The following PCDHA4 variants were observed in gnomAD, a reference collection of about 807,000 sequenced individuals.
PCDHA4 encodes protocadherin alpha 4.
In PCDHA4, 49 loss-of-function variants were observed where a neutral mutation model predicts 61.4. That is an observed-to-expected ratio of 0.80 (90% CI 0.63 to 1.01). The LOEUF is 1.01. Among genes scored for constraint, PCDHA4 ranks in the 50% least tolerant of loss-of-function variants. The pLI is 0.00. For missense variants in PCDHA4, 1,254 were observed against 1,235.8 expected (o/e 1.01, Z -0.22); for synonymous variants, 590 against 550.3 (o/e 1.07, Z -1.01).
At chr5:140,966,683 G>A (rs1357691419) in intron 1 of PCDHA4, 1 of 1,331,590 alleles carries the variant, frequency 7.5e-7, no homozygotes. Flanking sequence ...TGGCACGAGC[G>A]GAGGCGGGGC....
At chr5:140,876,395 T>G in intron 1 of PCDHA4, 1 of 1,613,920 alleles carries the variant, frequency 6.2e-7, no homozygotes, top group Non-Finnish European at 8.5e-7. Flanking sequence ...TATGGTGAAC[T>G]GGATTTTGAA....
intron 1 of PCDHA4, chr5:140,824,475 A>G (rs1438730480): frequency 7.7e-6 from 3 of 390,628 alleles, no homozygotes; most frequent in Non-Finnish European, 1.4e-5. Context: ...TTTTATTGTT[A>G]TTTTTTAGAG....
At chr5:140,872,661 TA>T (rs1211452464) in intron 1 of PCDHA4, among the ~76,000 whole-genome samples, 12 of 152,166 alleles carry the variant, frequency 7.9e-5, no homozygotes, top group African/African-American at 2.9e-4. Flanking sequence ...ATTTGTCAAC[TA>T]TTGGATACTC....
At chr5:140,973,354 T>A (rs937415600) in intron 1 of PCDHA4, among the ~76,000 whole-genome samples, 4 of 152,202 alleles carry the variant, frequency 2.6e-5, no homozygotes, top group Non-Finnish European at 5.9e-5. Flanking sequence ...AGTAGTGAAT[T>A]TATAAAAATT....
At position 140,863,735 on chromosome 5, in the gene PCDHA4, C is replaced by T. The variant is rs189909313; in HGVS notation, c.2385+54163C>T. On this transcript the variant is annotated intron_variant, in intron 1 of 3. Transcript: ENST00000530339. ...TGGGGCCGGGTGCGGTAGCTCATGC[C>T]TATTTGTAATCCCGGCACTTTGGGA... The T allele has an allele frequency of 4.8e-3, 1,219 of 255,524 alleles. 5 individuals are homozygous for T. Among genetic ancestry groups the T allele is most frequent in the Non-Finnish European group, 6.2e-3 (808 of 129,746 alleles). The allele number at this position is 255,524 out of a possible 1,614,324, so 15.8% of individuals were successfully genotyped here. A position where few individuals can be genotyped will look rare whatever the true frequency, so the allele number is the denominator to read the frequency against.
Position 141,010,072 on chromosome 5 carries a change from C to T in PCDHA4, c.*135C>T. The T allele has an allele frequency of 3.1e-6, 5 of 1,606,334 alleles. No individual in the cohort carries two copies. The highest frequency in any genetic ancestry group is 4.3e-6 in the Non-Finnish European group (5 of 1,176,104). On this transcript the variant is annotated 3_prime_UTR_variant, in exon 4 of 4. Transcript: ENST00000530339. Reference sequence around the variant, plus strand: ...ACCTCAGAAATCTGCAGAAAGTTCCCTGTGTCTGTCTAGAACGCATTTAAC... The same window carrying T: ...ACCTCAGAAATCTGCAGAAAGTTCCTTGTGTCTGTCTAGAACGCATTTAAC...
At chr5:140,886,746 A>C (rs2061113111) in intron 1 of PCDHA4, among the ~76,000 whole-genome samples, 1 of 151,722 alleles carries the variant, frequency 6.6e-6, no homozygotes. Context: ...GAATTGCTTG[A>C]ACCCGGGAGG....
chr5:140,884,409 C>T, intron 1 of PCDHA4: 4 of 1,613,992 alleles, frequency 2.5e-6, no homozygotes, highest in Non-Finnish European at 3.4e-6. Context: ...TTGGTGCTCA[C>T]GTTGCTGCTG....
intron 1 of PCDHA4, among the ~76,000 whole-genome samples, chr5:140,874,462 A>G (rs1471984599): frequency 7.2e-5 from 11 of 152,228 alleles, no homozygotes; most frequent in African/African-American, 2.7e-4. Flanking sequence ...CTGTAGGGGA[A>G]GATTTAGAGA....
At chr5:140,936,080 A>C (rs1252008478) in intron 1 of PCDHA4, among the ~76,000 whole-genome samples, 2 of 152,004 alleles carry the variant, frequency 1.3e-5, no homozygotes, top group African/African-American at 4.8e-5. Flanking sequence ...TTTAGTAGAG[A>C]CAGGGTTTCA....
At position 140,856,269 on chromosome 5, in the gene PCDHA4, T is replaced by C. The variant is rs367902357; in HGVS notation, c.2385+46697T>C. On this transcript the variant is annotated intron_variant, in intron 1 of 3. Transcript: ENST00000530339. ...GCGTCCAAAAGACACGGGGACCTTC[T>C]GGAGGTAAATCTGCAGAATGGCATT... 5.2e-5 allele frequency: 83 copies of C among 1,598,182 alleles called. 3 individuals are homozygous for C. In the South Asian group the frequency reaches 5.5e-4, roughly 11 times the overall value.
At chr5:140,950,389 T>C (rs269550) in intron 1 of PCDHA4, among the ~76,000 whole-genome samples, 33,984 of 151,960 alleles carry the variant, frequency 0.22, 4,900 homozygotes, top group African/African-American at 0.41. Context: ...TTGAATGATA[T>C]AGAATTCTGG....
chr5:140,886,956 A>T (rs1007882657), intron 1 of PCDHA4, among the ~76,000 whole-genome samples: 1 of 152,090 alleles, frequency 6.6e-6, no homozygotes, highest in Non-Finnish European at 1.5e-5. Context: ...TTAGACATTT[A>T]GCAACGAAAT....
intron 1 of PCDHA4, among the ~76,000 whole-genome samples, chr5:140,951,423 C>T (rs1324305371): frequency 6.6e-6 from 1 of 152,014 alleles, no homozygotes; most frequent in Non-Finnish European, 1.5e-5. Flanking sequence ...CTCACAGTTC[C>T]ACAGGCTGTA....
chr5:140,862,432 C>T (rs746687465), intron 1 of PCDHA4: 1 of 355,106 alleles, frequency 2.8e-6, no homozygotes, highest in Non-Finnish European at 5.6e-6. Context: ...AGAAACTATT[C>T]GTTGGTACTC....
chr5:141,000,051 C>T (rs1483967510), intron 3 of PCDHA4, among the ~76,000 whole-genome samples: 3 of 152,100 alleles, frequency 2.0e-5, no homozygotes, highest in African/African-American at 7.2e-5. Flanking sequence ...ACACCACTCT[C>T]CCAGCTGCTC....
At chr5:140,820,494 T>A (rs1766771556) in intron 1 of PCDHA4, among the ~76,000 whole-genome samples, 1 of 151,996 alleles carries the variant, frequency 6.6e-6, no homozygotes, top group Non-Finnish European at 1.5e-5. Flanking sequence ...ATTTAAGGAA[T>A]TTTATGGAGT....
chr5:140,835,477 C>T (rs2150236453), intron 1 of PCDHA4: 2 of 1,613,948 alleles, frequency 1.2e-6, no homozygotes, highest in Non-Finnish European at 1.7e-6. Flanking sequence ...GACGCCCAAC[C>T]AGGTACCGTC....
chr5:140,862,448 C>A (rs2047370091), intron 1 of PCDHA4: 1 of 362,316 alleles, frequency 2.8e-6, no homozygotes. Flanking sequence ...TACTCCACAG[C>A]GCCCTGGACC....
Sources: allele counts gnomAD v4.1 joint callset (sites outside exome capture counted in the v4.1 genomes callset), GRCh38; gene constraint gnomAD v4.1.1; transcripts MANE v1.5; gene names NCBI Gene and HGNC (gene_info 2026-07-23, HGNC 2026-07-21).